Variants in NFIB observed in about 807,000 individuals in gnomAD.
NFIB encodes the protein nuclear factor I B, also known as nuclear factor 1 B-type.
A neutral mutation model predicts 61.5 loss-of-function variants in NFIB; 11 were observed. That is an observed-to-expected ratio of 0.18 (90% CI 0.11 to 0.30). NFIB has a LOEUF of 0.30. Among genes scored for constraint, NFIB ranks in the 10% least tolerant of loss-of-function variants. The pLI is 1.00. For missense variants in NFIB, 471 were observed against 608.9 expected (o/e 0.77, Z 2.38); for synonymous variants, 260 against 216.5 (o/e 1.20, Z -1.76).
At chr9:14,430,571 A>G in the NFIB span, among the ~76,000 whole-genome samples, 1 of 129,314 alleles carries the variant, frequency 7.7e-6, no homozygotes, top group Non-Finnish European at 1.6e-5. Flanking sequence ...TTTCCCTGAA[A>G]TGCTATTTAT....
At chr9:14,286,598 T>C (rs1014453137) in intron 2 of NFIB, among the ~76,000 whole-genome samples, 4 of 152,204 alleles carry the variant, frequency 2.6e-5, no homozygotes, top group Non-Finnish European at 5.9e-5. Flanking sequence ...TTACTCTTTT[T>C]ATAACTTATT....
Position 14,240,992 on chromosome 9 carries a change from A to G in NFIB, c.563-61212T>C, listed in dbSNP as rs73645021. On this transcript the variant is annotated intron_variant, in intron 2 of 10. Transcript: ENST00000380953. ...TATCAAGTTGAGCAGGGCTGTCTTC[A>G]TTTTGGTAATTCAGGGTTTCTTCTC... Among the ~76,000 whole-genome samples the G allele has an allele frequency of 3.2e-3, 488 of 152,322 alleles. 5 individuals carry two copies. The highest frequency in any genetic ancestry group is 0.011 in the African/African-American group (472 of 41,580).
chr9:14,352,394 T>C (rs1227352284), intron 1 of NFIB, among the ~76,000 whole-genome samples: 2 of 151,658 alleles, frequency 1.3e-5, no homozygotes, highest in African/African-American at 2.4e-5. Flanking sequence ...CCCGGTACTC[T>C]ACATTAGCTA....
At chr9:14,478,503 T>A in the NFIB span, among the ~76,000 whole-genome samples, 60 of 152,178 alleles carry the variant, frequency 3.9e-4, no homozygotes, top group Non-Finnish European at 1.5e-4. Flanking sequence ...AGATCTTGTA[T>A]AAAAATGGGA....
the NFIB span, among the ~76,000 whole-genome samples, chr9:14,425,510 G>C: frequency 6.6e-6 from 1 of 151,812 alleles, no homozygotes; most frequent in Non-Finnish European, 1.5e-5. Flanking sequence ...AAGGGGCACA[G>C]ATGATTGAGA....
chr9:14,372,993 G>T (rs2061376351), intron 1 of NFIB, among the ~76,000 whole-genome samples: 1 of 151,820 alleles, frequency 6.6e-6, no homozygotes, highest in African/African-American at 2.4e-5. Context: ...GTGGTGGGGG[G>T]TGGGGACTGA....
At chr9:14,247,597 G>A (rs893550476) in intron 2 of NFIB, among the ~76,000 whole-genome samples, 2 of 152,150 alleles carry the variant, frequency 1.3e-5, no homozygotes, top group Non-Finnish European at 2.9e-5. Context: ...GCATCCAAAG[G>A]CCACCGCCAC....
rs578252277 is a variant in NFIB at position 14,136,931 on chromosome 9, T to A, written c.925+9758A>T. ...GTTTAAGTTCAACCTAAATCTATATTTTTTTTCTCCAACAAATGTAAATGA... is the reference window on the plus strand; with the variant it reads ...GTTTAAGTTCAACCTAAATCTATATATTTTTTCTCCAACAAATGTAAATGA... On this transcript the variant is annotated intron_variant, in intron 6 of 10. Transcript: ENST00000380953. Among the ~76,000 whole-genome samples the A allele has an allele frequency of 4.6e-5, 7 of 152,210 alleles. No homozygotes were observed. In the East Asian group the frequency reaches 1.2e-3, roughly 25 times the overall value.
rs1257746761 is a variant in NFIB at position 14,314,078 on chromosome 9, T to C, written c.-567A>G. The C allele has an allele frequency of 9.5e-7, 1 of 1,053,276 alleles. No individual in the cohort carries two copies. Among genetic ancestry groups the C allele is most frequent in the South Asian group, 4.6e-5 (1 of 21,794 alleles). 65.2% of individuals were successfully genotyped at this position (1,053,276 alleles called of 1,614,324 possible). On this transcript the variant is annotated 5_prime_UTR_variant, in exon 1 of 11. Transcript: ENST00000380953. ...CTGCGGCAGGATCCCGGAGTGGTGA[T>C]CGCAGGCGAAACTTTGCCGCGAGCC...
intron 2 of NFIB, among the ~76,000 whole-genome samples, chr9:14,269,777 T>C (rs185816921): frequency 6.6e-6 from 1 of 152,264 alleles, no homozygotes; most frequent in Non-Finnish European, 1.5e-5. Flanking sequence ...TCAGATATAC[T>C]CTTTAGGAGA....
At chr9:14,312,955 G>A (rs1450767786) in intron 1 of NFIB, among the ~76,000 whole-genome samples, 1 of 152,178 alleles carries the variant, frequency 6.6e-6, no homozygotes, top group Non-Finnish European at 1.5e-5. Context: ...ATGGGTCCCC[G>A]GACCACAACC....
At chr9:14,346,729 G>T (rs1428030773) in intron 1 of NFIB, among the ~76,000 whole-genome samples, 1 of 152,218 alleles carries the variant, frequency 6.6e-6, no homozygotes, top group Non-Finnish European at 1.5e-5. Flanking sequence ...CTAGCTTGGG[G>T]CGGTTTCTGT....
chr9:14,223,364 A>T (rs2051951467), intron 2 of NFIB, among the ~76,000 whole-genome samples: 1 of 152,212 alleles, frequency 6.6e-6, no homozygotes, highest in Non-Finnish European at 1.5e-5. Context: ...GTTCAGACTC[A>T]TGATACTAAT....
intron 2 of NFIB, among the ~76,000 whole-genome samples, chr9:14,184,151 A>G (rs2047096603): frequency 6.6e-6 from 1 of 152,186 alleles, no homozygotes; most frequent in Non-Finnish European, 1.5e-5. Context: ...GGAAGATCCT[A>G]GGACACATAA....
intron 2 of NFIB, among the ~76,000 whole-genome samples, chr9:14,298,085 G>A (rs1393375014): frequency 6.6e-6 from 1 of 152,100 alleles, no homozygotes; most frequent in African/African-American, 2.4e-5. Context: ...TCTCTACTAT[G>A]TCATGAAATT....
the NFIB span, among the ~76,000 whole-genome samples, chr9:14,503,952 C>A: frequency 6.6e-6 from 1 of 152,170 alleles, no homozygotes; most frequent in Non-Finnish European, 1.5e-5. Flanking sequence ...TTTATGGTTT[C>A]AGGTCTTAGA....
chr9:14,526,991 G>C, the NFIB span, among the ~76,000 whole-genome samples: 1 of 152,064 alleles, frequency 6.6e-6, no homozygotes, highest in Non-Finnish European at 1.5e-5. Flanking sequence ...TTTATCCAAA[G>C]TTTACATGTT....
chr9:14,437,490 T>C, the NFIB span, among the ~76,000 whole-genome samples: 15 of 152,338 alleles, frequency 9.8e-5, no homozygotes, highest in African/African-American at 3.4e-4. Context: ...CCAAAGATTG[T>C]TGACTTCCCC....
At position 14,323,811 on chromosome 9, in the gene NFIB, C is replaced by T. The variant is rs568037638; in HGVS notation, c.109-16291G>A. 5.3e-5 allele frequency among the ~76,000 whole-genome samples: 8 copies of T among 152,278 alleles called. 1 individual carries two copies. Among genetic ancestry groups the T allele is most frequent in the African/African-American group, 1.9e-4 (8 of 41,546 alleles). ...TATTTTTTTTTAAAAAAAGGCATGG[C>T]CTTATTACCAAAAAAAAGTTTTTTC... On this transcript the variant is annotated intron_variant, in intron 1 of 8. Transcript: ENST00000380934.
Sources: gnomAD v4.1 joint callset for allele counts (sites outside exome capture counted in the v4.1 genomes callset) on GRCh38, gnomAD v4.1.1 for gene constraint, MANE v1.5 for transcripts, NCBI Gene and HGNC (gene_info 2026-07-23, HGNC 2026-07-21) for gene names.